Variants in ADAM22 observed in about 807,000 individuals in gnomAD.
ADAM22 encodes the protein disintegrin and metalloproteinase domain-containing protein 22.
In ADAM22, 65 loss-of-function variants were observed where a neutral mutation model predicts 144.6. The ratio of observed to expected loss-of-function variants is 0.45; its 90% confidence interval spans 0.37 to 0.55. The LOEUF is 0.55. Ranked by LOEUF, ADAM22 falls within the 20% of genes least tolerant of loss-of-function variation. ADAM22 has a pLI of 0.00. For missense variants in ADAM22, 974 were observed against 1,184.9 expected (o/e 0.82, Z 2.61); for synonymous variants, 391 against 412.6 (o/e 0.95, Z 0.63).
At chr7:88,059,890 C>T (rs370809190) in intron 3 of ADAM22, among the ~76,000 whole-genome samples, 8 of 151,940 alleles carry the variant, frequency 5.3e-5, no homozygotes, top group Non-Finnish European at 8.8e-5. Context: ...TGGGGACAAA[C>T]GTTGAAAAAC....
chr7:88,080,429 T>G (rs1461353258), intron 4 of ADAM22, among the ~76,000 whole-genome samples: 1 of 151,978 alleles, frequency 6.6e-6, no homozygotes, highest in African/African-American at 2.4e-5. Context: ...ACATCACAAT[T>G]GGAAGAACTA....
chr7:87,956,634 T>C (rs1846838604), intron 2 of ADAM22, among the ~76,000 whole-genome samples: 1 of 152,178 alleles, frequency 6.6e-6, no homozygotes, highest in Non-Finnish European at 1.5e-5. Context: ...GGGCACCCAC[T>C]GATCTACTTT....
chr7:88,082,500 A>G (rs1817031416), intron 4 of ADAM22, among the ~76,000 whole-genome samples: 1 of 152,194 alleles, frequency 6.6e-6, no homozygotes, highest in Non-Finnish European at 1.5e-5. Flanking sequence ...ATCTAATTAA[A>G]CTAAAGAGCT....
At chr7:88,108,126 C>A in intron 4 of ADAM22, 50 bp from the exon 5 acceptor site, 1 of 1,498,448 alleles carries the variant, frequency 6.7e-7, no homozygotes. Flanking sequence ...AATGAAGCAG[C>A]TGATTCTCCT....
At chr7:88,053,367 G>A (rs895046090) in intron 3 of ADAM22, among the ~76,000 whole-genome samples, 4 of 152,074 alleles carry the variant, frequency 2.6e-5, no homozygotes, top group East Asian at 1.9e-4. Context: ...TACTTGGGAG[G>A]CCGAGGTGGG....
chr7:88,097,886 T>C (rs1471361990), intron 4 of ADAM22, among the ~76,000 whole-genome samples: 1 of 152,156 alleles, frequency 6.6e-6, no homozygotes, highest in Non-Finnish European at 1.5e-5. Flanking sequence ...AGTGGTTTCC[T>C]GGAAAGAGTT....
intron 3 of ADAM22, among the ~76,000 whole-genome samples, chr7:88,038,575 C>T (rs1172486284): frequency 6.6e-6 from 1 of 151,556 alleles, no homozygotes; most frequent in African/African-American, 2.4e-5. Context: ...CTGCCTCAGC[C>T]TCCCGTGTAG....
At chr7:88,011,105 A>C (rs1795242511) in intron 3 of ADAM22, among the ~76,000 whole-genome samples, 1 of 152,324 alleles carries the variant, frequency 6.6e-6, no homozygotes, top group East Asian at 1.9e-4. Flanking sequence ...TTTAACTTGG[A>C]ATATAATTAG....
At chr7:88,119,620 C>G (rs538473735) in intron 7 of ADAM22, among the ~76,000 whole-genome samples, 1 of 152,246 alleles carries the variant, frequency 6.6e-6, no homozygotes, top group South Asian at 2.1e-4. Context: ...TCCCGAGTAG[C>G]TGGGACTACA....
chr7:87,977,079 G>T (rs1852073844), intron 2 of ADAM22, among the ~76,000 whole-genome samples: 1 of 152,116 alleles, frequency 6.6e-6, no homozygotes, highest in African/African-American at 2.4e-5. Context: ...TAGTTGAATG[G>T]TTCATGAGGC....
intron 18 of ADAM22, 73 bp from the exon 19 acceptor site, chr7:88,150,907 GA>G (rs1554503103): frequency 4.7e-6 from 6 of 1,274,280 alleles, no homozygotes; most frequent in Non-Finnish European, 6.8e-6. Context: ...TTTTAAAAGT[GA>G]AAACATTAAA....
chr7:88,169,472 G>T (rs191663193), intron 25 of ADAM22, among the ~76,000 whole-genome samples: 2 of 151,908 alleles, frequency 1.3e-5, no homozygotes, highest in African/African-American at 4.8e-5. Context: ...TAAACTAATT[G>T]CTCTCCCTTT....
chr7:88,041,013 G>C (rs921369436), intron 3 of ADAM22, among the ~76,000 whole-genome samples: 11 of 152,006 alleles, frequency 7.2e-5, no homozygotes, highest in Non-Finnish European at 1.5e-5. Flanking sequence ...GCTTTTTCCA[G>C]GCTAGCAGGA....
Position 88,196,618 on chromosome 7 carries a change from GA to G in ADAM22, c.*128del, listed in dbSNP as rs1281526335. The G allele has an allele frequency of 1.9e-6, 2 of 1,050,120 alleles. No homozygotes were observed. Among genetic ancestry groups the G allele is most frequent in the African/African-American group, 3.2e-5 (2 of 63,388 alleles). 65.1% of individuals were successfully genotyped at this position (1,050,120 alleles called of 1,614,324 possible). A position where few individuals can be genotyped will look rare whatever the true frequency, so the allele number is the denominator to read the frequency against. On this transcript the variant is annotated 3_prime_UTR_variant, in exon 32 of 32. Coordinates refer to ENST00000413139, the MANE Select transcript of ADAM22 (RefSeq NM_001324418.2). ...TACGAAGACCCTCTGAGATGCTACAGAGGAGAGGAAGCGGAGTTTCACATCT... is the reference window on the plus strand; with the variant it reads ...TACGAAGACCCTCTGAGATGCTACAGGGAGAGGAAGCGGAGTTTCACATCT...
chr7:88,035,867 T>C (rs1801418444), intron 3 of ADAM22, among the ~76,000 whole-genome samples: 1 of 152,208 alleles, frequency 6.6e-6, no homozygotes, highest in Non-Finnish European at 1.5e-5. Flanking sequence ...AATTAGTAAC[T>C]AGAGTGCTGT....
chr7:88,017,837 A>G (rs1796898392), intron 3 of ADAM22, among the ~76,000 whole-genome samples: 1 of 148,988 alleles, frequency 6.7e-6, no homozygotes, highest in African/African-American at 2.6e-5. Flanking sequence ...AAATACATAC[A>G]TATATATACA....
chr7:88,088,175 A>G (rs1818906116), intron 4 of ADAM22, among the ~76,000 whole-genome samples: 1 of 152,190 alleles, frequency 6.6e-6, no homozygotes, highest in South Asian at 2.1e-4. Flanking sequence ...ATATTTATTT[A>G]GGAAAACTGA....
chr7:88,105,399 T>A (rs911997830), intron 4 of ADAM22, among the ~76,000 whole-genome samples: 1 of 152,180 alleles, frequency 6.6e-6, no homozygotes, highest in Admixed American at 6.5e-5. Flanking sequence ...CTTTTATGCC[T>A]GGCCAACACA....
chr7:88,024,308 A>G (rs937474688), intron 3 of ADAM22, among the ~76,000 whole-genome samples: 3 of 152,098 alleles, frequency 2.0e-5, no homozygotes, highest in Admixed American at 1.3e-4. Flanking sequence ...TCCCACCAAC[A>G]TTGTATGCAG....
Sources: gnomAD v4.1 joint callset for allele counts (sites outside exome capture counted in the v4.1 genomes callset) on GRCh38, gnomAD v4.1.1 for gene constraint, MANE v1.5 for transcripts, NCBI Gene and HGNC (gene_info 2026-07-23, HGNC 2026-07-21) for gene names.